The following MTOR variants were observed in gnomAD, a reference collection of about 807,000 sequenced individuals.
The protein encoded by MTOR is serine/threonine-protein kinase mTOR.
Under a neutral mutation model 319.8 loss-of-function variants are expected in MTOR, and 70 were observed. That is an observed-to-expected ratio of 0.22 (90% CI 0.18 to 0.27). MTOR has a LOEUF of 0.27. Among genes scored for constraint, MTOR ranks in the 10% least tolerant of loss-of-function variants. The probability of loss-of-function intolerance (pLI) is 1.00; values close to 1 mark genes in which losing one functional copy is unlikely to be tolerated. For synonymous variants in MTOR, 1,183 were observed against 1,211.4 expected (o/e 0.98, Z 0.49); for missense variants, 1,890 against 3,274.4 (o/e 0.58, Z 10.32).
chr1:11,129,037 G>A lies in MTOR; in HGVS notation c.5715-86C>T, dbSNP rs1642987390. On this transcript the variant is annotated intron_variant, in intron 40 of 57. Transcript: ENST00000361445. The surrounding 1 kb of genome is among the most constrained non-coding windows in gnomAD (Gnocchi z 4.7). ...TTCATCTCTAAGGCTCCTGAGAAGAGAGCTGGCAGGGACTCCAACCAGTAA... is the reference window on the plus strand; with the variant it reads ...TTCATCTCTAAGGCTCCTGAGAAGAAAGCTGGCAGGGACTCCAACCAGTAA... The A allele has an allele frequency of 8.9e-7, 1 of 1,121,712 alleles. No individual in the cohort carries two copies. The highest frequency in any genetic ancestry group is 1.3e-6 in the Non-Finnish European group (1 of 762,938). 69.5% of individuals were successfully genotyped at this position (1,121,712 alleles called of 1,614,324 possible).
chr1:11,233,248 C>G (rs976797299), intron 15 of MTOR, 150 bp downstream of exon 15: 8 of 820,660 alleles, frequency 9.7e-6, no homozygotes, highest in Non-Finnish European at 1.6e-5. Flanking sequence ...TTATTTCTCT[C>G]TGAATCTGTT....
chr1:11,199,710 G>A lies in MTOR; in HGVS notation c.3945-7C>T, dbSNP rs2100747344. The A allele has an allele frequency of 6.2e-7, 1 of 1,612,980 alleles. No homozygotes were observed. The highest frequency in any genetic ancestry group is 8.5e-7 in the Non-Finnish European group (1 of 1,179,098). ...TGCAGCATTGAAGAGATCCCTGAAG[G>A]CAGAGAAGGTGGAAAATGGAGAGAC... On this transcript the variant is annotated splice_polypyrimidine_tract_variant and splice_region_variant and intron_variant, in intron 26 of 57. Transcript: ENST00000361445. This position sits in a 1 kb window ranked among gnomAD's most constrained non-coding sequence, Gnocchi z 4.5.
Position 11,128,325 on chromosome 1 carries a change from C to T in MTOR, c.5910+129G>A. 1 of 1,239,952 alleles carries T rather than the reference C, an allele frequency of 8.1e-7. No homozygotes were observed. The highest frequency in any genetic ancestry group is 2.4e-5 in the East Asian group (1 of 41,370). 76.8% of individuals were successfully genotyped at this position (1,239,952 alleles called of 1,614,324 possible). On this transcript the variant is annotated intron_variant, in intron 42 of 57. Coordinates refer to ENST00000361445, the MANE Select transcript of MTOR (RefSeq NM_004958.4). The surrounding 1 kb of genome is among the most constrained non-coding windows in gnomAD (Gnocchi z 5.3). ...GGGCCCTCTGGGACGGCTGGCTGGA[C>T]AGACCCTCCTGGGCCAGGATGGAAC...
At chr1:11,230,402 T>A (rs1211613525) in intron 18 of MTOR, among the ~76,000 whole-genome samples, 1 of 152,030 alleles carries the variant, frequency 6.6e-6, no homozygotes, top group African/African-American at 2.4e-5. Flanking sequence ...AGACTCTCCA[T>A]CTCAAAAACA....
At chr1:11,248,166 C>T in intron 6 of MTOR, 72 bp from the exon 7 acceptor site, 1 of 1,447,790 alleles carries the variant, frequency 6.9e-7, no homozygotes, top group Non-Finnish European at 9.4e-7. Context: ...GTGGATTCTA[C>T]AGACAATTAC....
chr1:11,187,296 G>A (rs1645350971), intron 28 of MTOR, among the ~76,000 whole-genome samples: 1 of 148,460 alleles, frequency 6.7e-6, no homozygotes, highest in African/African-American at 2.5e-5. Flanking sequence ...CTGGTTTCGT[G>A]GAAGACAATT....
intron 30 of MTOR, among the ~76,000 whole-genome samples, chr1:11,155,321 G>A (rs1046619549): frequency 6.6e-6 from 1 of 152,038 alleles, no homozygotes; most frequent in African/African-American, 2.4e-5. Context: ...ACAGCACATT[G>A]CCGTCAATGT....
At chr1:11,138,769 C>A (rs1233835524) in intron 36 of MTOR, among the ~76,000 whole-genome samples, 2 of 152,186 alleles carry the variant, frequency 1.3e-5, no homozygotes, top group Non-Finnish European at 2.9e-5. Context: ...AAAAAACCCC[C>A]AAACCAGGAG....
At chr1:11,189,747 T>G (rs1645452422) in intron 28 of MTOR, 1 of 1,613,974 alleles carries the variant, frequency 6.2e-7, no homozygotes, top group South Asian at 1.1e-5. Context: ...AGGCCCAAGT[T>G]GCCAACCTTA....
chr1:11,117,753 G>C (rs1329041272), intron 49 of MTOR, among the ~76,000 whole-genome samples: 1 of 152,048 alleles, frequency 6.6e-6, no homozygotes, highest in Non-Finnish European at 1.5e-5. Flanking sequence ...AAACAGAAGA[G>C]GAGCCCTAGA....
chr1:11,177,660 T>G (rs1003566787), intron 28 of MTOR, among the ~76,000 whole-genome samples: 2 of 152,168 alleles, frequency 1.3e-5, no homozygotes, highest in African/African-American at 4.8e-5. Flanking sequence ...TGGTCACAGT[T>G]TAAATGGTTT....
chr1:11,108,727 A>G (rs1267334697), intron 56 of MTOR, among the ~76,000 whole-genome samples: 2 of 147,408 alleles, frequency 1.4e-5, no homozygotes, highest in African/African-American at 4.9e-5. Context: ...AAAAAAAAAA[A>G]AAAGAAAAGA....
At chr1:11,208,389 G>A (rs1459561713) in intron 25 of MTOR, among the ~76,000 whole-genome samples, 1 of 152,236 alleles carries the variant, frequency 6.6e-6, no homozygotes, top group Non-Finnish European at 1.5e-5. Context: ...CGCAAAGCTG[G>A]GCGTGAGCCC....
chr1:11,257,516 C>A (rs1323489844), intron 3 of MTOR, among the ~76,000 whole-genome samples: 2 of 136,424 alleles, frequency 1.5e-5, no homozygotes, highest in African/African-American at 5.5e-5. Flanking sequence ...TAAGCCGAGA[C>A]TGCACCATTG....
At chr1:11,251,424 C>T (rs956896005) in intron 6 of MTOR, among the ~76,000 whole-genome samples, 5 of 152,112 alleles carry the variant, frequency 3.3e-5, no homozygotes, top group African/African-American at 1.2e-4. Context: ...TACTCTATTC[C>T]CCTTCCTTGC....
At chr1:11,178,073 C>T (rs1645042495) in intron 28 of MTOR, among the ~76,000 whole-genome samples, 1 of 152,174 alleles carries the variant, frequency 6.6e-6, no homozygotes, top group Non-Finnish European at 1.5e-5. Context: ...ACTGATAGAT[C>T]CCATGGCTGG....
intron 25 of MTOR, among the ~76,000 whole-genome samples, chr1:11,207,139 C>T (rs889047615): frequency 8.5e-5 from 13 of 152,130 alleles, no homozygotes; most frequent in African/African-American, 3.1e-4. Context: ...TGCTCTGTTG[C>T]CTGTGCTGGA....
intron 28 of MTOR, among the ~76,000 whole-genome samples, chr1:11,175,767 CAG>C (rs1268238643): frequency 7.9e-6 from 1 of 125,954 alleles, no homozygotes; most frequent in Non-Finnish European, 1.6e-5. Context: ...TTTTTTGAGA[CAG>C]GGTCTCACTC....
intron 17 of MTOR, 57 bp from the exon 18 acceptor site, chr1:11,231,111 A>C: frequency 6.2e-7 from 1 of 1,612,934 alleles, no homozygotes. Context: ...GATTACAACA[A>C]GTATCACGGA....
Sources: gnomAD v4.1 joint callset for allele counts (sites outside exome capture counted in the v4.1 genomes callset) on GRCh38, gnomAD v4.1.1 for gene constraint, Gnocchi (gnomAD v3.1) non-coding constraint, MANE v1.5 for transcripts, NCBI Gene and HGNC (gene_info 2026-07-23, HGNC 2026-07-21) for gene names.